Variants in MLF1 observed in about 807,000 individuals in gnomAD.
MLF1 encodes myelodysplasia-myeloid leukemia factor 1.
MLF1 carries 37 observed loss-of-function variants against 38.3 expected under a neutral mutation model. The observed-to-expected ratio is 0.96, with a 90% CI of 0.74 to 1.27. The LOEUF (loss-of-function observed/expected upper bound fraction) is 1.27. Ranked by LOEUF, MLF1 falls within the 50% of genes most tolerant of loss-of-function variation. The pLI, the probability that MLF1 is intolerant of heterozygous loss-of-function variation, is 0.00. For synonymous variants in MLF1, 95 were observed against 106.5 expected (o/e 0.89, Z 0.66); for missense variants, 331 against 349.2 (o/e 0.95, Z 0.42).
At chr3:158,602,096 G>A (rs569160276) in intron 6 of MLF1, among the ~76,000 whole-genome samples, 11 of 152,122 alleles carry the variant, frequency 7.2e-5, no homozygotes, top group East Asian at 3.9e-4. Flanking sequence ...GATTACAGGC[G>A]TGAGCCACCA....
chr3:158,599,033 T>G (rs1719327689), intron 5 of MLF1, among the ~76,000 whole-genome samples: 1 of 152,148 alleles, frequency 6.6e-6, no homozygotes, highest in South Asian at 2.1e-4. Context: ...GTATCCAAAA[T>G]ATGAATATAT....
chr3:158,574,526 A>AAACAAG (rs1715102416), intron 1 of MLF1, among the ~76,000 whole-genome samples: 1 of 139,072 alleles, frequency 7.2e-6, no homozygotes, highest in Non-Finnish European at 1.6e-5. Flanking sequence ...AAAAAAAAAA[A>AAACAAG]ATACAAAATT....
chr3:158,579,628 G>T (rs1716024382), intron 1 of MLF1, among the ~76,000 whole-genome samples: 1 of 152,238 alleles, frequency 6.6e-6, no homozygotes, highest in African/African-American at 2.4e-5. Flanking sequence ...ATATTTTGTT[G>T]ATTAATTTTT....
intron 1 of MLF1, among the ~76,000 whole-genome samples, chr3:158,579,954 G>T (rs889183456): frequency 2.6e-5 from 4 of 152,130 alleles, no homozygotes; most frequent in African/African-American, 9.7e-5. Flanking sequence ...ACATCAAATG[G>T]TATGAAATCC....
chr3:158,583,011 C>T, intron 1 of MLF1: 1 of 567,520 alleles, frequency 1.8e-6, no homozygotes, highest in South Asian at 2.3e-5. Flanking sequence ...GGCACACACA[C>T]ATTTAATGGA....
chr3:158,588,844 T>G (rs1359976103), intron 1 of MLF1: 5 of 456,356 alleles, frequency 1.1e-5, no homozygotes, highest in African/African-American at 1.0e-4. Flanking sequence ...GAGGATGTTG[T>G]TTCTCAGACA....
intron 1 of MLF1, among the ~76,000 whole-genome samples, chr3:158,571,654 G>A (rs1714318387): frequency 1.1e-5 from 1 of 89,152 alleles, no homozygotes; most frequent in Middle Eastern, 4.5e-3. Flanking sequence ...CTGGGAGTGG[G>A]GGGAGAAGAG....
chr3:158,572,047 G>T (rs1424091787), intron 1 of MLF1, among the ~76,000 whole-genome samples: 1 of 78,724 alleles, frequency 1.3e-5, no homozygotes, highest in African/African-American at 5.4e-5. Context: ...AGGAGGATTT[G>T]GGGGTGTGAG....
Position 158,574,505 on chromosome 3 carries a change from T to TAAAAAA in MLF1, c.47+3175_47+3180dup, listed in dbSNP as rs758915813. On this transcript the variant is annotated intron_variant, in intron 1 of 7. Transcript: ENST00000466246. ...CAACATGGTGAAACCCCATCTGTAC[T>TAAAAAA]AAAAAAAAAAAAAAAAAAAAAATAC... is the stretch of plus-strand genomic sequence containing the variant. Among the ~76,000 whole-genome samples the TAAAAAA allele has an allele frequency of 1.3e-3, 122 of 91,366 alleles. 5 individuals are homozygous for TAAAAAA. Among genetic ancestry groups the TAAAAAA allele is most frequent in the African/African-American group, 6.5e-3 (114 of 17,424 alleles). The allele number at this position is 91,366 out of a possible 152,430, so 59.9% of individuals were successfully genotyped here.
At chr3:158,598,312 GGGGGACAGGAGGGAGGTGT>G in intron 5 of MLF1, 104 bp downstream of exon 5, 2 of 1,159,650 alleles carry the variant, frequency 1.7e-6, no homozygotes, top group South Asian at 1.6e-5. Context: ...CAAGATGGTG[GGGGGACAGGAGGGAGGTGT>G]GGGGGTTGGG....
chr3:158,600,298 T>G (rs1417099174), intron 6 of MLF1, 125 bp downstream of exon 6: 1 of 456,216 alleles, frequency 2.2e-6, no homozygotes, highest in Non-Finnish European at 3.6e-6. Context: ...AGAGAATACC[T>G]TGTGAAAGTA....
intron 1 of MLF1, among the ~76,000 whole-genome samples, chr3:158,580,025 G>A (rs1324936026): frequency 6.6e-6 from 1 of 152,170 alleles, no homozygotes; most frequent in East Asian, 1.9e-4. Flanking sequence ...AAGGTATAAC[G>A]AATACTTTGG....
intron 6 of MLF1, among the ~76,000 whole-genome samples, chr3:158,600,454 CT>C (rs147873782): frequency 0.18 from 27,256 of 151,396 alleles, 2,810 homozygotes; most frequent in African/African-American, 0.27. Flanking sequence ...CAAAATGTGT[CT>C]TTAAATATTT....
intron 3 of MLF1, among the ~76,000 whole-genome samples, chr3:158,594,740 G>A (rs1434645764): frequency 6.6e-6 from 1 of 152,196 alleles, no homozygotes; most frequent in Non-Finnish European, 1.5e-5. Context: ...TGAAGGAGCA[G>A]TAGAGAGGGA....
At chr3:158,602,098 G>A (rs1460188986) in intron 6 of MLF1, among the ~76,000 whole-genome samples, 2 of 152,082 alleles carry the variant, frequency 1.3e-5, no homozygotes, top group African/African-American at 2.4e-5. Context: ...TTACAGGCGT[G>A]AGCCACCACA....
intron 1 of MLF1, among the ~76,000 whole-genome samples, chr3:158,578,136 T>G (rs1033022813): frequency 1.3e-5 from 2 of 152,276 alleles, no homozygotes; most frequent in African/African-American, 2.4e-5. Flanking sequence ...TCTATTTTCC[T>G]TATAGACCAG....
At position 158,602,766 on chromosome 3, in the gene MLF1, T is replaced by C; in HGVS notation, c.614-41T>C. ...GAGCAAGGCAGTTACTGACAGTTGA[T>C]ACCTTAATACTTATTCCCATTATTT... is the stretch of plus-strand genomic sequence containing the variant. On this transcript the variant is annotated intron_variant, in intron 6 of 7. Transcript: ENST00000466246. 2.5e-6 allele frequency: 4 copies of C among 1,595,376 alleles called. No homozygotes were observed. In the South Asian group the frequency reaches 4.5e-5, roughly 18 times the overall value.
chr3:158,603,465 A>G (rs1720089122), intron 7 of MLF1, among the ~76,000 whole-genome samples: 1 of 152,226 alleles, frequency 6.6e-6, no homozygotes, highest in Non-Finnish European at 1.5e-5. Context: ...AGAATTTTGC[A>G]AGAACATTAG....
chr3:158,584,866 A>G (rs951947149), intron 1 of MLF1, among the ~76,000 whole-genome samples: 1 of 151,666 alleles, frequency 6.6e-6, no homozygotes, highest in East Asian at 1.9e-4. Flanking sequence ...AGTGGGACCT[A>G]TCTCTACAAA....
Sources: allele counts gnomAD v4.1 joint callset (sites outside exome capture counted in the v4.1 genomes callset), GRCh38; gene constraint gnomAD v4.1.1; transcripts MANE v1.5; gene names NCBI Gene and HGNC (gene_info 2026-07-23, HGNC 2026-07-21).